The following CDH12 variants were observed in gnomAD, a reference collection of about 807,000 sequenced individuals.
CDH12 encodes cadherin 12.
In CDH12, 41 loss-of-function variants were observed where a neutral mutation model predicts 74.1. That is an observed-to-expected ratio of 0.55 (90% CI 0.43 to 0.72). The LOEUF is 0.72. CDH12 is among the 30% of genes least tolerant of loss of function. The pLI is 0.00. For missense variants in CDH12, 945 were observed against 977.2 expected (o/e 0.97, Z 0.44); for synonymous variants, 399 against 355.0 (o/e 1.12, Z -1.39).
intron 5 of CDH12, among the ~76,000 whole-genome samples, chr5:22,029,757 T>C (rs1227283990): frequency 2.6e-5 from 4 of 151,832 alleles, no homozygotes; most frequent in Non-Finnish European, 5.9e-5. Flanking sequence ...GCCATCCCAT[T>C]ACTGGGTATA....
At chr5:22,216,043 T>C (rs1030062112) in intron 3 of CDH12, among the ~76,000 whole-genome samples, 1 of 152,146 alleles carries the variant, frequency 6.6e-6, no homozygotes, top group Non-Finnish European at 1.5e-5. Context: ...AGCAAGTGAT[T>C]GTCCTTTGGT....
Position 21,818,108 on chromosome 5 carries a change from G to GATATAAAAA in CDH12, c.815-977_815-976insTTTTTATAT, listed in dbSNP as rs1347866534. On this transcript the variant is annotated intron_variant, in intron 8 of 14. Coordinates refer to ENST00000382254, the MANE Select transcript of CDH12 (RefSeq NM_004061.5). ...TCAAATTCAAATGAGGAAAGGAAAT[G>GATATAAAAA]AGAGAAAATAAAAATTAAGAAACAA... 3.6e-4 allele frequency among the ~76,000 whole-genome samples: 54 copies of GATATAAAAA among 152,022 alleles called. No homozygotes were observed. In the East Asian group the frequency reaches 9.9e-3, roughly 28 times the overall value.
At chr5:22,242,130 C>T (rs918020634) in intron 3 of CDH12, among the ~76,000 whole-genome samples, 20 of 152,038 alleles carry the variant, frequency 1.3e-4, no homozygotes, top group African/African-American at 4.8e-4. Flanking sequence ...GAAGTCATAC[C>T]TCCAGTCAGA....
intron 1 of CDH12, among the ~76,000 whole-genome samples, chr5:22,732,507 A>G (rs1366496340): frequency 1.3e-5 from 2 of 150,244 alleles, no homozygotes; most frequent in African/African-American, 4.9e-5. Context: ...CACACATAAA[A>G]ATTCCAAACC....
intron 5 of CDH12, among the ~76,000 whole-genome samples, chr5:22,007,845 T>C (rs1041805992): frequency 6.6e-5 from 10 of 152,234 alleles, no homozygotes; most frequent in African/African-American, 2.4e-4. Flanking sequence ...ACACATATCA[T>C]TTTGTTATTT....
At chr5:22,241,290 A>G (rs1452009224) in intron 3 of CDH12, among the ~76,000 whole-genome samples, 1 of 152,064 alleles carries the variant, frequency 6.6e-6, no homozygotes, top group Non-Finnish European at 1.5e-5. Flanking sequence ...CTAATTTACT[A>G]TTTAATAAAA....
intron 4 of CDH12, among the ~76,000 whole-genome samples, chr5:22,114,195 G>A (rs955917976): frequency 2.0e-5 from 3 of 152,082 alleles, no homozygotes; most frequent in Non-Finnish European, 2.9e-5. Context: ...TCAGTTCCCC[G>A]CATTGAATTC....
At chr5:22,583,589 GT>G (rs1740215837) in intron 1 of CDH12, among the ~76,000 whole-genome samples, 2 of 152,098 alleles carry the variant, frequency 1.3e-5, no homozygotes, top group African/African-American at 4.8e-5. Flanking sequence ...ACATGTAGAG[GT>G]TATTTGCCTT....
intron 1 of CDH12, among the ~76,000 whole-genome samples, chr5:22,602,491 G>A (rs1252366041): frequency 6.6e-6 from 1 of 152,034 alleles, no homozygotes; most frequent in Non-Finnish European, 1.5e-5. Context: ...CAGGTTCAAG[G>A]TAATCTTGTC....
chr5:22,716,680 A>G (rs1228398463), intron 1 of CDH12, among the ~76,000 whole-genome samples: 1 of 151,950 alleles, frequency 6.6e-6, no homozygotes, highest in Non-Finnish European at 1.5e-5. Flanking sequence ...AGGCATCGTC[A>G]TCATGGGAGA....
chr5:22,278,860 A>T (rs1440780616), intron 3 of CDH12, among the ~76,000 whole-genome samples: 1 of 152,184 alleles, frequency 6.6e-6, no homozygotes, highest in Non-Finnish European at 1.5e-5. Flanking sequence ...AAATGAAAAT[A>T]GCTACAAAAT....
intron 1 of CDH12, among the ~76,000 whole-genome samples, chr5:22,533,136 T>C (rs998652446): frequency 1.4e-4 from 22 of 152,280 alleles, no homozygotes; most frequent in African/African-American, 5.3e-4. Context: ...GTTTTTCTCC[T>C]GTATCAGTGG....
intron 1 of CDH12, among the ~76,000 whole-genome samples, chr5:22,782,704 C>T (rs1005839506): frequency 4.6e-5 from 7 of 152,172 alleles, no homozygotes; most frequent in African/African-American, 1.7e-4. Flanking sequence ...TGATGATATC[C>T]TCCAAGAAAT....
At chr5:22,368,877 C>T (rs914256678) in intron 3 of CDH12, among the ~76,000 whole-genome samples, 9 of 152,116 alleles carry the variant, frequency 5.9e-5, no homozygotes, top group African/African-American at 2.2e-4. Context: ...GTGGCTCACG[C>T]CTGCACTTTG....
chr5:21,884,360 C>CCAAGG (rs1752518821), intron 6 of CDH12: 2 of 1,000,054 alleles, frequency 2.0e-6, no homozygotes, highest in African/African-American at 3.2e-5. Context: ...GACAGGAAGC[C>CCAAGG]CAAGGCAGTG....
intron 8 of CDH12, among the ~76,000 whole-genome samples, chr5:21,836,197 T>C (rs1193537158): frequency 6.6e-6 from 1 of 151,808 alleles, no homozygotes; most frequent in Non-Finnish European, 1.5e-5. Context: ...TATGATATAA[T>C]ACAACTATGT....
At chr5:22,252,241 A>C (rs1753161644) in intron 3 of CDH12, among the ~76,000 whole-genome samples, 1 of 152,074 alleles carries the variant, frequency 6.6e-6, no homozygotes, top group South Asian at 2.1e-4. Context: ...CTAGTGTTAG[A>C]TGTATCCCAA....
intron 5 of CDH12, among the ~76,000 whole-genome samples, chr5:21,987,573 T>G (rs1757570793): frequency 6.6e-6 from 1 of 152,184 alleles, no homozygotes; most frequent in African/African-American, 2.4e-5. Flanking sequence ...TTCATAATCT[T>G]TCCTTCATAA....
At chr5:21,797,850 C>G (rs886592409) in intron 10 of CDH12, among the ~76,000 whole-genome samples, 1 of 151,930 alleles carries the variant, frequency 6.6e-6, no homozygotes, top group Non-Finnish European at 1.5e-5. Flanking sequence ...TAAGTATTGC[C>G]TTAAAATCAT....
Sources: allele counts gnomAD v4.1 joint callset (sites outside exome capture counted in the v4.1 genomes callset), GRCh38; gene constraint gnomAD v4.1.1; transcripts MANE v1.5; gene names NCBI Gene and HGNC (gene_info 2026-07-23, HGNC 2026-07-21).